RBFOX2: variants seen among roughly 807,000 people sequenced by gnomAD.
The protein encoded by RBFOX2 is RNA binding fox-1 homolog 2.
Under a neutral mutation model 49.1 loss-of-function variants are expected in RBFOX2, and 10 were observed. That is an observed-to-expected ratio of 0.20 (90% CI 0.13 to 0.35). The LOEUF is 0.35. Ranked by LOEUF, RBFOX2 falls within the 10% of genes least tolerant of loss-of-function variation. RBFOX2 has a pLI of 1.00. For synonymous variants in RBFOX2, 183 were observed against 187.4 expected, an observed-to-expected ratio of 0.98 and a Z score of 0.19; for missense variants, 323 against 486.9, an observed-to-expected ratio of 0.66 and a Z score of 3.17.
chr22:35,995,975 G>C (rs2058173506), intron 1 of RBFOX2: 1 of 152,134 alleles, frequency 6.6e-6, no homozygotes, highest in Non-Finnish European at 1.5e-5. Flanking sequence ...CATCCCAAGG[G>C]GCCTGGGCAA....
chr22:35,762,991 A>G (rs1244913705), intron 6 of RBFOX2, among the ~76,000 whole-genome samples: 1 of 152,186 alleles, frequency 6.6e-6, no homozygotes, highest in Non-Finnish European at 1.5e-5. Context: ...CTAGGTTCAA[A>G]TCCTACTTGA....
intron 1 of RBFOX2, among the ~76,000 whole-genome samples, chr22:35,972,886 G>A (rs2056957521): frequency 6.6e-6 from 1 of 152,042 alleles, no homozygotes; most frequent in Non-Finnish European, 1.5e-5. Flanking sequence ...TAGCCATCTG[G>A]GCCCAGCAAA....
chr22:35,884,014 T>C (rs1235805604), intron 1 of RBFOX2, among the ~76,000 whole-genome samples: 5 of 144,294 alleles, frequency 3.5e-5, no homozygotes, highest in Non-Finnish European at 7.6e-5. Context: ...TTTTTTTTTT[T>C]TTTTTTTTTT....
At chr22:35,805,383 AT>A (rs1950556988) in intron 2 of RBFOX2, among the ~76,000 whole-genome samples, 1 of 152,056 alleles carries the variant, frequency 6.6e-6, no homozygotes, top group African/African-American at 2.4e-5. Context: ...ACATGGAAGG[AT>A]ATTCCATGTC....
intron 1 of RBFOX2, among the ~76,000 whole-genome samples, chr22:35,971,082 T>C (rs1272025821): frequency 1.3e-5 from 2 of 152,000 alleles, no homozygotes; most frequent in Non-Finnish European, 2.9e-5. Context: ...ACCAAAAAAA[T>C]CCTCTTTTAA....
intron 1 of RBFOX2, among the ~76,000 whole-genome samples, chr22:35,861,448 C>G (rs2043078650): frequency 6.6e-6 from 1 of 151,970 alleles, no homozygotes; most frequent in Non-Finnish European, 1.5e-5. Context: ...AAAATTCAAC[C>G]ATAAGAAACA....
At chr22:35,846,182 CAT>C (rs1184552808) in intron 1 of RBFOX2, among the ~76,000 whole-genome samples, 12 of 148,782 alleles carry the variant, frequency 8.1e-5, no homozygotes, top group African/African-American at 2.5e-4. Context: ...TATAAACTTG[CAT>C]ATGTTAATAT....
intron 1 of RBFOX2, among the ~76,000 whole-genome samples, chr22:35,961,309 T>TA (rs1262110927): frequency 2.6e-5 from 4 of 152,174 alleles, no homozygotes; most frequent in Non-Finnish European, 5.9e-5. Flanking sequence ...GATACAACTA[T>TA]AAAAAGATAT....
At chr22:36,000,032 C>T (rs1227361426) in intron 1 of RBFOX2, 1 of 145,178 alleles carries the variant, frequency 6.9e-6, no homozygotes, top group Non-Finnish European at 1.5e-5. Context: ...TGGAGTCTCA[C>T]TCTTGTTGCC....
intron 1 of RBFOX2, among the ~76,000 whole-genome samples, chr22:35,986,149 T>G (rs540988953): frequency 1.3e-5 from 2 of 152,204 alleles, no homozygotes; most frequent in East Asian, 3.9e-4. Flanking sequence ...ATACCACTAT[T>G]ATAGGCAATC....
intron 2 of RBFOX2, among the ~76,000 whole-genome samples, chr22:35,782,006 G>C (rs912255174): frequency 6.6e-6 from 1 of 152,156 alleles, no homozygotes; most frequent in Non-Finnish European, 1.5e-5. Flanking sequence ...TAACGAACAC[G>C]GAAGTACTAA....
chr22:35,933,384 C>T (rs2052648557), intron 1 of RBFOX2, among the ~76,000 whole-genome samples: 1 of 152,124 alleles, frequency 6.6e-6, no homozygotes, highest in African/African-American at 2.4e-5. Flanking sequence ...TTGTATTCAT[C>T]AATTAATAAA....
intron 1 of RBFOX2, among the ~76,000 whole-genome samples, chr22:35,837,581 T>C (rs890676530): frequency 2.6e-5 from 4 of 152,278 alleles, no homozygotes; most frequent in African/African-American, 9.6e-5. Context: ...CCCAGCTGGT[T>C]ATTTCCTTTG....
intron 1 of RBFOX2, among the ~76,000 whole-genome samples, chr22:35,856,904 C>T (rs952943679): frequency 1.1e-4 from 16 of 152,022 alleles, no homozygotes; most frequent in Admixed American, 5.2e-4. Flanking sequence ...TGGCCACGTG[C>T]GCCTGTAATC....
chr22:35,893,387 C>A (rs1358456448), intron 1 of RBFOX2, among the ~76,000 whole-genome samples: 2 of 152,186 alleles, frequency 1.3e-5, no homozygotes, highest in Non-Finnish European at 1.5e-5. Flanking sequence ...AGGAGACTGT[C>A]ACTGTCTGCT....
intron 2 of RBFOX2, among the ~76,000 whole-genome samples, chr22:35,798,547 G>A (rs1297352826): frequency 6.6e-6 from 1 of 152,176 alleles, no homozygotes; most frequent in Non-Finnish European, 1.5e-5. Flanking sequence ...TAAAAGAGGA[G>A]TAATAACGAT....
chr22:35,948,519 A>G (rs1260346004), intron 1 of RBFOX2, among the ~76,000 whole-genome samples: 1 of 152,002 alleles, frequency 6.6e-6, no homozygotes, highest in Non-Finnish European at 1.5e-5. Flanking sequence ...CCCTGGGTCT[A>G]TAAGAAATAA....
At chr22:35,953,229 A>G (rs1037400536) in intron 1 of RBFOX2, among the ~76,000 whole-genome samples, 1 of 151,228 alleles carries the variant, frequency 6.6e-6, no homozygotes, top group African/African-American at 2.4e-5. Flanking sequence ...AAAAAAAAAA[A>G]AAAAAGCCAA....
At chr22:35,945,991 G>A (rs923586986) in intron 1 of RBFOX2, among the ~76,000 whole-genome samples, 2 of 151,906 alleles carry the variant, frequency 1.3e-5, no homozygotes, top group Admixed American at 1.3e-4. Flanking sequence ...CACATTTACC[G>A]CTCCCCCCTT....
Sources: gnomAD v4.1 joint callset for allele counts (sites outside exome capture counted in the v4.1 genomes callset) on GRCh38, gnomAD v4.1.1 for gene constraint, MANE v1.5 for transcripts, NCBI Gene and HGNC (gene_info 2026-07-23, HGNC 2026-07-21) for gene names.